The following SARNP variants were observed in gnomAD, a reference collection of about 807,000 sequenced individuals.
The protein encoded by SARNP is SAP domain-containing ribonucleoprotein.
SARNP carries 5 observed loss-of-function variants against 38.1 expected under a neutral mutation model. The ratio of observed to expected loss-of-function variants is 0.13; its 90% CI spans 0.07 to 0.28. SARNP has a LOEUF of 0.28. SARNP is among the 10% of genes least tolerant of loss of function. The pLI is 1.00. For synonymous variants in SARNP, 84 were observed against 80.6 expected, an observed-to-expected ratio of 1.04 and a Z score of -0.23; for missense variants, 180 against 243.9, an observed-to-expected ratio of 0.74 and a Z score of 1.75.
At chr12:55,760,334 C>CTACT in intron 10 of SARNP, 1 of 539,820 alleles carries the variant, frequency 1.9e-6, no homozygotes, top group Non-Finnish European at 3.2e-6. Flanking sequence ...GACCCCATCT[C>CTACT]TACTTAAATA....
chr12:55,808,751 AC>A (rs767035596), intron 1 of SARNP, among the ~76,000 whole-genome samples: 1 of 152,052 alleles, frequency 6.6e-6, no homozygotes, highest in Non-Finnish European at 1.5e-5. Flanking sequence ...ACACAGCAAT[AC>A]CTGGCCTCAA....
intron 9 of SARNP, chr12:55,761,801 A>C (rs2136176652): frequency 6.6e-6 from 1 of 152,204 alleles, no homozygotes; most frequent in East Asian, 1.9e-4. Flanking sequence ...AAAACATCTG[A>C]AATCAGGTAG....
At position 55,796,087 on chromosome 12, in the gene SARNP, A is replaced by G. The variant is rs1565680060; in HGVS notation, c.252-11T>C. On this transcript the variant is annotated splice_polypyrimidine_tract_variant and intron_variant, in intron 4 of 10. Coordinates refer to ENST00000336133, the MANE Select transcript of SARNP (RefSeq NM_033082.4). Reference sequence around the variant, plus strand: ...TTCTTCTCTGCTGCCCTAGAAAAGAAAGAGATTTTTTAAAATGAGAAAACT... The same window carrying G: ...TTCTTCTCTGCTGCCCTAGAAAAGAGAGAGATTTTTTAAAATGAGAAAACT... 1 of 1,598,082 alleles carries G rather than the reference A, an allele frequency of 6.3e-7. No individual in the cohort carries two copies. The highest frequency in any genetic ancestry group is 2.2e-5 in the East Asian group (1 of 44,772).
rs763033127 is a variant in SARNP, at chr12:55,817,682, T to G, written c.20A>C (p.Glu7Ala). The change falls in exon 1 of 11, where the codon GAG becomes GCG. Residue 7 changes from glutamate (E) to alanine (A), a missense_variant. Physicochemically the swap from Glu to Ala is moderately radical, Grantham distance 107. Around this residue, in one of 2 missense-constraint regions of SARNP, gnomAD observed 161 missense variants for 194.1 expected, o/e 0.83. Coordinates refer to ENST00000336133, the MANE Select transcript of SARNP (RefSeq NM_033082.4). MATETV[E>A]LHKLKLAELK... ...TCACGGTACCTTTAGCTTATGGAGC[T>G]CCACCGTCTCGGTCGCCATCTTGTT... The G allele has an allele frequency of 4.8e-5, 77 of 1,612,704 alleles. No homozygotes were observed. The highest frequency in any genetic ancestry group is 5.8e-5 in the Non-Finnish European group (68 of 1,179,508).
intron 9 of SARNP, among the ~76,000 whole-genome samples, chr12:55,786,304 T>C (rs969205339): frequency 1.3e-5 from 2 of 152,132 alleles, no homozygotes; most frequent in Non-Finnish European, 1.5e-5. Context: ...CCTTAGAAGA[T>C]GGAGTGAATT....
At chr12:55,790,312 C>T (rs371142502) in intron 8 of SARNP, among the ~76,000 whole-genome samples, 115 of 152,232 alleles carry the variant, frequency 7.6e-4, no homozygotes, top group African/African-American at 2.6e-3. Context: ...ACATACATGG[C>T]TAACAAAATC....
intron 9 of SARNP, among the ~76,000 whole-genome samples, chr12:55,781,611 G>C (rs951754912): frequency 2.6e-5 from 4 of 151,770 alleles, no homozygotes; most frequent in African/African-American, 9.7e-5. Flanking sequence ...TCACTGTGAA[G>C]TGGTTCATCT....
chr12:55,814,813 G>A (rs183376343), intron 1 of SARNP, among the ~76,000 whole-genome samples: 6 of 151,552 alleles, frequency 4.0e-5, no homozygotes, highest in African/African-American at 1.2e-4. Flanking sequence ...AGGTTGCAGC[G>A]AGCCGAGATC....
intron 9 of SARNP, among the ~76,000 whole-genome samples, chr12:55,774,534 G>C (rs371512033): frequency 7.7e-6 from 1 of 129,984 alleles, no homozygotes; most frequent in Admixed American, 9.0e-5. Context: ...CAGCCTAGCC[G>C]ACACGGTGAA....
chr12:55,798,038 T>C (rs1361397827), intron 4 of SARNP, among the ~76,000 whole-genome samples: 1 of 152,226 alleles, frequency 6.6e-6, no homozygotes, highest in Admixed American at 6.5e-5. Context: ...ATTATCATGG[T>C]ATTCACTTGA....
intron 1 of SARNP, among the ~76,000 whole-genome samples, chr12:55,817,300 A>T (rs1341650969): frequency 6.6e-6 from 1 of 152,198 alleles, no homozygotes; most frequent in Non-Finnish European, 1.5e-5. Flanking sequence ...CATCCCAGGG[A>T]AGAAAAACGG....
intron 9 of SARNP, among the ~76,000 whole-genome samples, chr12:55,783,518 G>C (rs1879399769): frequency 6.6e-6 from 1 of 151,814 alleles, no homozygotes; most frequent in African/African-American, 2.4e-5. Context: ...GACTTAAGCT[G>C]GAAACATGAA....
chr12:55,785,033 C>T (rs2136191715), intron 9 of SARNP, among the ~76,000 whole-genome samples: 1 of 152,168 alleles, frequency 6.6e-6, no homozygotes, highest in Middle Eastern at 3.4e-3. Context: ...GTGTAAAGGT[C>T]CAGAAATTGA....
chr12:55,797,314 G>A (rs1356153668), intron 4 of SARNP, among the ~76,000 whole-genome samples: 5 of 152,144 alleles, frequency 3.3e-5, no homozygotes, highest in Non-Finnish European at 5.9e-5. Flanking sequence ...ATATGTAACC[G>A]CTTTAGCTGG....
chr12:55,800,779 A>C, intron 3 of SARNP, 75 bp downstream of exon 3: 1 of 1,373,776 alleles, frequency 7.3e-7, no homozygotes. Context: ...TAAGTCCTCC[A>C]ATGACTGATG....
At chr12:55,812,688 A>T (rs372959661) in intron 1 of SARNP, among the ~76,000 whole-genome samples, 1 of 152,368 alleles carries the variant, frequency 6.6e-6, no homozygotes, top group South Asian at 2.1e-4. Context: ...CCCTGGAGTC[A>T]TCTTTCATTT....
chr12:55,772,065 G>A (rs747185734), intron 9 of SARNP, among the ~76,000 whole-genome samples: 4 of 152,112 alleles, frequency 2.6e-5, no homozygotes, highest in Non-Finnish European at 5.9e-5. Context: ...TTATTCCCGA[G>A]CCTTTATGCC....
chr12:55,753,568 G>A (rs1019551050), downstream of SARNP: 3 of 151,994 alleles, frequency 2.0e-5, no homozygotes, highest in African/African-American at 4.8e-5. Flanking sequence ...TCCGGAGTTC[G>A]AGACCATGCT....
chr12:55,765,498 A>G (rs1259808454), intron 9 of SARNP, among the ~76,000 whole-genome samples: 3 of 149,720 alleles, frequency 2.0e-5, no homozygotes, highest in Non-Finnish European at 4.4e-5. Context: ...GGTATGTGCC[A>G]TGCCTGGCTA....
Sources: allele counts gnomAD v4.1 joint callset (sites outside exome capture counted in the v4.1 genomes callset), GRCh38; gene constraint gnomAD v4.1.1; regional missense constraint gnomAD v4.1.1; transcripts MANE v1.5; gene names NCBI Gene and HGNC (gene_info 2026-07-23, HGNC 2026-07-21).